PUS10: variants seen among roughly 807,000 people sequenced by gnomAD.
PUS10 encodes tRNA pseudouridine synthase Pus10.
A neutral mutation model predicts 75.0 loss-of-function variants in PUS10; 59 were observed. The observed-to-expected ratio is 0.79, with a 90% CI of 0.64 to 0.98. The LOEUF (loss-of-function observed/expected upper bound fraction) is 0.98, where lower values mean the gene tolerates loss of function less well. PUS10 is among the 50% of genes least tolerant of loss of function. PUS10 has a pLI of 0.00. For synonymous variants in PUS10, 219 were observed against 211.6 expected (o/e 1.03, Z -0.30); for missense variants, 650 against 614.4 (o/e 1.06, Z -0.61).
intron 4 of PUS10, among the ~76,000 whole-genome samples, chr2:60,983,638 T>C (rs1354409326): frequency 2.6e-5 from 4 of 151,980 alleles, no homozygotes; most frequent in African/African-American, 4.8e-5. Flanking sequence ...GATCGCATCA[T>C]TGCACTTCAG....
intron 6 of PUS10, 162 bp downstream of exon 6, chr2:60,967,340 C>A: frequency 1.9e-6 from 1 of 515,666 alleles, no homozygotes; most frequent in Non-Finnish European, 3.4e-6. Flanking sequence ...AATGCTTTGA[C>A]TTCAATTTAA....
chr2:60,994,599 A>G (rs2104588103), intron 4 of PUS10, among the ~76,000 whole-genome samples: 1 of 152,334 alleles, frequency 6.6e-6, no homozygotes, highest in Middle Eastern at 3.4e-3. Flanking sequence ...AGAATCACAA[A>G]ATAAACTGGT....
intron 10 of PUS10, among the ~76,000 whole-genome samples, chr2:60,961,117 C>G (rs1013690222): frequency 7.2e-5 from 11 of 152,280 alleles, no homozygotes; most frequent in African/African-American, 2.6e-4. Flanking sequence ...TTCAAGTTTG[C>G]TTTTATGTTA....
chr2:60,951,305 A>G (rs569895770), intron 15 of PUS10, among the ~76,000 whole-genome samples: 41 of 152,154 alleles, frequency 2.7e-4, no homozygotes, highest in Non-Finnish European at 4.9e-4. Flanking sequence ...TTTTCCATGA[A>G]CTGAGGAAGG....
At chr2:60,964,509 G>A (rs140780792) in intron 8 of PUS10, among the ~76,000 whole-genome samples, 11 of 152,234 alleles carry the variant, frequency 7.2e-5, no homozygotes, top group African/African-American at 2.2e-4. Flanking sequence ...TAACTTGTCC[G>A]TTAACATGAA....
At chr2:60,951,555 C>T (rs781163019) in intron 15 of PUS10, among the ~76,000 whole-genome samples, 2 of 152,116 alleles carry the variant, frequency 1.3e-5, no homozygotes, top group Non-Finnish European at 2.9e-5. Context: ...ATCCCTCGCA[C>T]GTGTCATTTC....
At chr2:61,014,896 A>G (rs777783985) in intron 1 of PUS10, among the ~76,000 whole-genome samples, 5 of 152,200 alleles carry the variant, frequency 3.3e-5, no homozygotes, top group Non-Finnish European at 7.3e-5. Flanking sequence ...GGGGCCACTT[A>G]CCAAGATTCT....
chr2:60,944,538 C>A (rs1674820540), intron 17 of PUS10, among the ~76,000 whole-genome samples: 1 of 152,186 alleles, frequency 6.6e-6, no homozygotes, highest in Admixed American at 6.5e-5. Context: ...CAGAACCATT[C>A]TTACAATTAC....
At chr2:60,943,713 TTAA>T (rs1674760026) in intron 17 of PUS10, among the ~76,000 whole-genome samples, 1 of 151,692 alleles carries the variant, frequency 6.6e-6, no homozygotes, top group South Asian at 2.1e-4. Flanking sequence ...CAAATGTAAA[TTAA>T]TGAGTGTTTT....
intron 4 of PUS10, among the ~76,000 whole-genome samples, chr2:60,972,725 G>A (rs1676764854): frequency 6.6e-6 from 1 of 152,098 alleles, no homozygotes; most frequent in Admixed American, 6.6e-5. Context: ...TTCAAGACAC[G>A]GCTTAATTTA....
intron 17 of PUS10, among the ~76,000 whole-genome samples, chr2:60,943,875 G>A (rs748615013): frequency 2.0e-5 from 3 of 151,900 alleles, no homozygotes; most frequent in Non-Finnish European, 4.4e-5. Context: ...ACTGGCCTGT[G>A]AGTCTTTGAC....
rs1279861458 is a variant in PUS10, at chr2:60,953,992, TAGTAGC to T, written c.1135-10_1135-5del. On this transcript the variant is annotated splice_region_variant and splice_polypyrimidine_tract_variant and intron_variant, in intron 13 of 17. Transcript: ENST00000316752. ...TGTTAGATGAGTTATTAATTTTCTG[TAGTAGC>T]AGAAAAAGAAAAACAATTAGCAAGT... 6.2e-7 allele frequency: 1 copy of T among 1,612,476 alleles called. No individual in the cohort carries two copies. The highest frequency in any genetic ancestry group is 1.3e-5 in the African/African-American group (1 of 75,032).
At chr2:60,994,042 G>A (rs1678289483) in intron 4 of PUS10, among the ~76,000 whole-genome samples, 1 of 152,004 alleles carries the variant, frequency 6.6e-6, no homozygotes, top group Non-Finnish European at 1.5e-5. Context: ...GCCTGCCTCG[G>A]CCTCCCACAG....
At position 60,941,139 on chromosome 2, in the gene PUS10, G is replaced by A. The variant is rs1364464623; in HGVS notation, c.*1256C>T. The A allele has an allele frequency of 1.3e-5, 2 of 152,230 alleles. No individual in the cohort carries two copies. Among genetic ancestry groups the A allele is most frequent in the Non-Finnish European group, 2.9e-5 (2 of 67,974 alleles). The allele number at this position is 152,230 out of a possible 1,614,324, so 9.4% of individuals were successfully genotyped here. A position where few individuals can be genotyped will look rare whatever the true frequency, so the allele number is the denominator to read the frequency against. On this transcript the variant is annotated 3_prime_UTR_variant, in exon 18 of 18. Transcript: ENST00000316752. ...TTATACTCAAATCTGAAATTGTAAT[G>A]AGGCTCCTTTCTGAAACTTAAATGA...
chr2:60,962,823 T>C lies in PUS10; in HGVS notation c.788+3A>G, dbSNP rs780968243. The C allele has an allele frequency of 1.3e-6, 2 of 1,584,058 alleles. No homozygotes were observed. Among genetic ancestry groups the C allele is most frequent in the South Asian group, 1.1e-5 (1 of 87,196 alleles). On this transcript the variant is annotated splice_donor_region_variant and intron_variant, in intron 9 of 17. Transcript: ENST00000316752. ...GCTTCTTTGTTTCTAAACTTCTACT[T>C]ACTTAAGGAAATCCTCTTCCTTTAT...
In PUS10 at chr2:61,006,579, G is replaced by A; in HGVS notation, c.446C>T (p.Pro149Leu). Reference protein sequence around the residue: ...FTSLVFSVSFPPQLSVREHAA... With the variant: ...FTSLVFSVSFLPQLSVREHAA... ...TACCTCTCTTACAGATAGTTGTGGT[G>A]GGAAGGAGACTGAAAATACCAAGCT... Residue 149 changes from proline (P) to leucine (L), a missense_variant, in exon 4 of 18, where the codon CCA (proline) becomes CTA (leucine). Coordinates refer to ENST00000316752, the MANE Select transcript of PUS10 (RefSeq NM_144709.4). The A allele has an allele frequency of 3.0e-5, 48 of 1,613,194 alleles. No homozygotes were observed. Among genetic ancestry groups the A allele is most frequent in the Non-Finnish European group, 4.1e-5 (48 of 1,179,466 alleles).
intron 11 of PUS10, among the ~76,000 whole-genome samples, chr2:60,956,518 C>A (rs936096494): frequency 1.3e-4 from 20 of 152,152 alleles, no homozygotes; most frequent in African/African-American, 4.8e-4. Context: ...CTACTAGTTA[C>A]TGAAGGAGCA....
chr2:61,003,633 C>T (rs570669646), intron 4 of PUS10, among the ~76,000 whole-genome samples: 14 of 150,984 alleles, frequency 9.3e-5, no homozygotes, highest in African/African-American at 3.4e-4. Context: ...CAGCTTCAAC[C>T]CCCCAGGTCC....
chr2:61,013,437 C>T (rs1440711895), intron 1 of PUS10, among the ~76,000 whole-genome samples: 3 of 152,192 alleles, frequency 2.0e-5, no homozygotes. Context: ...GAGTTGATTA[C>T]CTTTTTGTTC....
Sources: gnomAD v4.1 joint callset for allele counts (sites outside exome capture counted in the v4.1 genomes callset) on GRCh38, gnomAD v4.1.1 for gene constraint, MANE v1.5 for transcripts, NCBI Gene and HGNC (gene_info 2026-07-23, HGNC 2026-07-21) for gene names.